HPS1: variants seen among roughly 807,000 people sequenced by gnomAD.
The protein encoded by HPS1 is HPS1 biogenesis of lysosomal organelles complex 3 subunit 1, also known as BLOC-3 complex member HPS1.
In HPS1, 59 loss-of-function variants were observed where a neutral mutation model predicts 90.6. The observed-to-expected ratio is 0.65, with a 90% confidence interval of 0.53 to 0.81. HPS1 has a LOEUF of 0.81. HPS1 is among the 30% of genes least tolerant of loss of function. The pLI, the probability that HPS1 is intolerant of heterozygous loss-of-function variation, is 0.00. For synonymous variants in HPS1, 388 were observed against 384.4 expected (o/e 1.01, Z -0.11); for missense variants, 849 against 896.7 (o/e 0.95, Z 0.68).
rs281865081 is a variant in HPS1, at chr10:98,427,239, G to GC, written c.962dup (p.Thr322HisfsTer131). On this transcript the variant is annotated frameshift_variant, in exon 11 of 20. Coordinates refer to ENST00000361490, the MANE Select transcript of HPS1 (RefSeq NM_000195.5). LOFTEE classifies it high-confidence loss of function. Reference sequence around the variant, plus strand: ...CCTGAAGGGCATCCATGGGGGGGGTGCCCCCCTCCAGCCAGATGGTGCTAC... The same window carrying GC: ...CCTGAAGGGCATCCATGGGGGGGGTGCCCCCCCTCCAGCCAGATGGTGCTAC... 1.3e-6 allele frequency: 2 copies of GC among 1,550,746 alleles called. No individual in the cohort carries two copies. Among genetic ancestry groups the GC allele is most frequent in the East Asian group, 4.9e-5 (2 of 41,024 alleles).
rs151272622 is a variant in HPS1, at chr10:98,422,444, C to T, written c.1668G>A (p.Ala556=). 1.1e-5 allele frequency: 18 copies of T among 1,614,098 alleles called. No homozygotes were observed. The highest frequency in any genetic ancestry group is 5.5e-5 in the South Asian group (5 of 91,086). ...TCTTTTGACTGCAGTTGAGGGAAGG[C>T]GCCACCATCTGCCCAGTGGTGCGGT... ...YVDRTTGQMV[A]PSLNCSQKTS... The change falls in exon 17 of 20, where the codon GCG becomes GCA. Residue 556 remains alanine, a synonymous_variant. Coordinates refer to ENST00000361490, the MANE Select transcript of HPS1 (RefSeq NM_000195.5).
chr10:98,430,979 GA>G, intron 7 of HPS1, 151 bp downstream of exon 7: 2 of 817,970 alleles, frequency 2.4e-6, no homozygotes, highest in Non-Finnish European at 4.1e-6. Context: ...TGGGTGAGCT[GA>G]AAAAGGTTGG....
downstream of HPS1, among the ~76,000 whole-genome samples, chr10:98,415,813 A>G (rs1844031734): frequency 6.6e-6 from 1 of 152,200 alleles, no homozygotes; most frequent in Non-Finnish European, 1.5e-5. Context: ...CGCTGTCTGT[A>G]ATTCTCTGGT....
Position 98,431,197 on chromosome 10 carries a change from C to G in HPS1, c.602G>C (p.Arg201Pro). ...GGCATGCAGGGCCTCCTCGCCTCCC[C>G]GCTCGGGGCTGGTGTTGACAGCCTG... ...VIQAVNTSPERGGEEALHAFL... is the reference protein window; with the variant it reads ...VIQAVNTSPEPGGEEALHAFL... Residue 201 changes from arginine (R) to proline (P), a missense_variant, in exon 7 of 20, where the codon CGG becomes CCG. Coordinates refer to ENST00000361490, the MANE Select transcript of HPS1 (RefSeq NM_000195.5). The G allele has an allele frequency of 6.2e-7, 1 of 1,614,098 alleles. No homozygotes were observed. The highest frequency in any genetic ancestry group is 1.3e-5 in the African/African-American group (1 of 75,064).
At position 98,417,676 on chromosome 10, in the gene HPS1, CA is replaced by C; in HGVS notation, c.1990del (p.Cys664AlafsTer61). ...SKNRPTEAVR[C>X]YELLALHLSV... is the part of the protein sequence containing the mutation. ...CAGGTGCAGGGCCAGCAGCTCGTAGCACCTGACAGCCTCGGTTGGGCGGTTC... is the reference window on the plus strand; with the variant it reads ...CAGGTGCAGGGCCAGCAGCTCGTAGCCCTGACAGCCTCGGTTGGGCGGTTC... On this transcript the variant is annotated frameshift_variant, in exon 20 of 20. Coordinates refer to ENST00000361490, the MANE Select transcript of HPS1 (RefSeq NM_000195.5). LOFTEE classifies it high-confidence loss of function. The surrounding 1 kb of genome is among the most constrained non-coding windows in gnomAD (Gnocchi z 4.2). 1 of 1,613,854 alleles carries C rather than the reference CA, an allele frequency of 6.2e-7. No individual in the cohort carries two copies. The highest frequency in any genetic ancestry group is 8.5e-7 in the Non-Finnish European group (1 of 1,179,952).
rs1380258664 is a variant in HPS1 at position 98,420,242 on chromosome 10, C to G, written c.1744-84G>C. 3.0e-6 allele frequency: 3 copies of G among 995,262 alleles called. No homozygotes were observed. The East Asian group carries it at 7.2e-5, about 24-fold the overall frequency. 61.7% of individuals were successfully genotyped at this position (995,262 alleles called of 1,614,324 possible). On this transcript the variant is annotated intron_variant, in intron 17 of 19. Transcript: ENST00000361490. ...TCACCTCCGAAGGAAGGAAAGGGCA[C>G]AGCCGAGAAGCTCCGTGAGTGCCAG...
At chr10:98,436,406 G>A (rs1301524860) in intron 3 of HPS1, among the ~76,000 whole-genome samples, 6 of 152,086 alleles carry the variant, frequency 3.9e-5, no homozygotes, top group East Asian at 1.9e-4. Flanking sequence ...TAGAAAAAAC[G>A]AAGTATTGAT....
At chr10:98,442,569 A>G (rs1039299088) in intron 3 of HPS1, 3 of 155,768 alleles carry the variant, frequency 1.9e-5, no homozygotes, top group African/African-American at 7.4e-5. Flanking sequence ...GCATGGGCAC[A>G]GTCTCGGCTC....
In HPS1 at chr10:98,435,418, C is replaced by T. The variant is rs372404024; in HGVS notation, c.256-4G>A. 84 of 1,613,612 alleles carry T rather than the reference C, an allele frequency of 5.2e-5. No individual in the cohort carries two copies. Among genetic ancestry groups the T allele is most frequent in the Non-Finnish European group, 6.4e-5 (76 of 1,180,030 alleles). ...CAATGAACAGGCATTCTCCAAACTG[C>T]AGGCACAGGCAGGCCAGTGTCAGCC... On this transcript the variant is annotated splice_region_variant and splice_polypyrimidine_tract_variant and intron_variant, in intron 4 of 19. Transcript: ENST00000361490. This position sits in a 1 kb window ranked among gnomAD's most constrained non-coding sequence, Gnocchi z 4.3.
At position 98,435,810 on chromosome 10, in the gene HPS1, G is replaced by A. The variant is rs774822290; in HGVS notation, c.118-38C>T. 5 of 1,613,840 alleles carry A rather than the reference G, an allele frequency of 3.1e-6. No individual in the cohort carries two copies. In the South Asian group the frequency reaches 3.3e-5, roughly 11 times the overall value. ...GGGAAAATTTCACAGCTTAGAGTGG[G>A]CCAGACACCAAGAACTAAGGAAGGG... is the stretch of plus-strand genomic sequence containing the variant. On this transcript the variant is annotated intron_variant, in intron 3 of 19. Coordinates refer to ENST00000361490, the MANE Select transcript of HPS1 (RefSeq NM_000195.5). The surrounding 1 kb of genome is among the most constrained non-coding windows in gnomAD (Gnocchi z 4.3).
chr10:98,439,489 C>G (rs1163415633), intron 3 of HPS1, among the ~76,000 whole-genome samples: 3 of 152,170 alleles, frequency 2.0e-5, no homozygotes, highest in African/African-American at 7.2e-5. Context: ...GATTTGACTG[C>G]CCCACTGGAT....
At position 98,440,642 on chromosome 10, in the gene HPS1, T is replaced by C. The variant is rs1050285953; in HGVS notation, c.117+2482A>G. 2.0e-5 allele frequency among the ~76,000 whole-genome samples: 3 copies of C among 152,194 alleles called. No homozygotes were observed. In the East Asian group the frequency reaches 5.8e-4, roughly 29 times the overall value. On this transcript the variant is annotated intron_variant, in intron 3 of 19. Transcript: ENST00000361490. The stretch of plus-strand genomic sequence containing the variant: ...CTCTGGGTCATGGAATTATAGGTCA[T>C]TTAAAAACTATCTCTTTGTATTTCC...
At chr10:98,426,019 G>A in intron 11 of HPS1, 34 bp from the exon 12 acceptor site, 1 of 1,606,690 alleles carries the variant, frequency 6.2e-7, no homozygotes, top group Non-Finnish European at 8.5e-7. Flanking sequence ...TGAGAGGTGG[G>A]ATCCCTAAGT....
In HPS1 at chr10:98,445,168, G is replaced by A. The variant is rs150475845; in HGVS notation, c.-1+132C>T. 9.9e-3 allele frequency: 1,513 copies of A among 152,614 alleles called. 16 individuals carry two copies. Among genetic ancestry groups the A allele is most frequent in the Middle Eastern group, 0.017 (5 of 294 alleles). 9.5% of individuals were successfully genotyped at this position (152,614 alleles called of 1,614,324 possible). ...GGTGGCCTCAGGATGCAGGGCTGGG[G>A]AGGGGATGAGCAGGTGTGCAGAGCC... On this transcript the variant is annotated intron_variant, in intron 2 of 19. Transcript: ENST00000361490. This position sits in a 1 kb window ranked among gnomAD's most constrained non-coding sequence, Gnocchi z 4.5.
Position 98,435,130 on chromosome 10 carries a change from C to T in HPS1, c.398+142G>A. On this transcript the variant is annotated intron_variant, in intron 5 of 19. Transcript: ENST00000361490. This position sits in a 1 kb window ranked among gnomAD's most constrained non-coding sequence, Gnocchi z 4.3. ...GTCAGACCAGATGGTCTCCAAGGTT[C>T]ACTTGAGCTGTTTCTCTGACCTAGG... 1 of 908,134 alleles carries T rather than the reference C, an allele frequency of 1.1e-6. No individual in the cohort carries two copies. The highest frequency in any genetic ancestry group is 1.9e-5 in the Admixed American group (1 of 51,588). 56.3% of individuals were successfully genotyped at this position (908,134 alleles called of 1,614,324 possible).
At chr10:98,441,301 G>A (rs532025979) in intron 3 of HPS1, among the ~76,000 whole-genome samples, 1 of 152,144 alleles carries the variant, frequency 6.6e-6, no homozygotes, top group African/African-American at 2.4e-5. Context: ...GAGTTGTAAT[G>A]TTAAACTGTT....
intron 1 of HPS1, among the ~76,000 whole-genome samples, chr10:98,446,106 C>A (rs1340837795): frequency 5.9e-5 from 9 of 151,708 alleles, no homozygotes; most frequent in Non-Finnish European, 1.0e-4. Flanking sequence ...AGGGCAGGAA[C>A]AACAGAAAAC....
intron 16 of HPS1, among the ~76,000 whole-genome samples, chr10:98,422,769 C>T (rs1845061696): frequency 6.6e-6 from 1 of 152,238 alleles, no homozygotes; most frequent in South Asian, 2.1e-4. Flanking sequence ...CCTACAGGAA[C>T]ATGGTATGCA....
intron 17 of HPS1, among the ~76,000 whole-genome samples, chr10:98,420,847 C>T (rs896418826): frequency 6.6e-6 from 1 of 152,170 alleles, no homozygotes; most frequent in Non-Finnish European, 1.5e-5. Flanking sequence ...TGCCTGGGGT[C>T]GCCCACTCAC....
Sources: allele counts gnomAD v4.1 joint callset (sites outside exome capture counted in the v4.1 genomes callset), GRCh38; gene constraint gnomAD v4.1.1; non-coding constraint Gnocchi (gnomAD v3.1); transcripts MANE v1.5; gene names NCBI Gene and HGNC (gene_info 2026-07-23, HGNC 2026-07-21).